Variants in SIDT1 observed in about 807,000 individuals in gnomAD.
SIDT1 encodes the protein SID1 transmembrane family, member 1.
A neutral mutation model predicts 107.5 loss-of-function variants in SIDT1; 101 were observed. That is an observed-to-expected ratio of 0.94 (90% CI 0.80 to 1.11). SIDT1 has a LOEUF of 1.11. Ranked by LOEUF, SIDT1 falls within the 50% of genes least tolerant of loss-of-function variation. SIDT1 has a pLI of 0.00. For missense variants in SIDT1, 1,076 were observed against 1,058.2 expected, an observed-to-expected ratio of 1.02 and a Z score of -0.23; for synonymous variants, 395 against 398.2, an observed-to-expected ratio of 0.99 and a Z score of 0.10.
Position 113,623,426 on chromosome 3 carries a change from G to A in SIDT1, c.2091-1G>A. 6.2e-7 allele frequency: 1 copy of A among 1,609,538 alleles called. No homozygotes were observed. Among genetic ancestry groups the A allele is most frequent in the Non-Finnish European group, 8.5e-7 (1 of 1,175,926 alleles). ...TGCCCACATTTCTCCCACGCCTGCA[G>A]CGCCCTCTTTGGATTGATATACCGC... On this transcript the variant is annotated splice_acceptor_variant, in intron 21 of 24. Transcript: ENST00000264852. LOFTEE classifies it high-confidence loss of function.
In SIDT1 at chr3:113,624,466, G is replaced by T. The variant is rs1384782766; in HGVS notation, c.2307+733G>T. ...ATTCATTGCTGAAAAATATTCCGTT[G>T]TACTGATATATCACATTTTATCTAC... On this transcript the variant is annotated intron_variant, in intron 23 of 24. Coordinates refer to ENST00000264852, the MANE Select transcript of SIDT1 (RefSeq NM_017699.3). Among the ~76,000 whole-genome samples the T allele has an allele frequency of 2.0e-5, 3 of 152,252 alleles. No homozygotes were observed. In the East Asian group the frequency reaches 5.8e-4, roughly 29 times the overall value.
chr3:113,595,988 A>G (rs2107622998), intron 10 of SIDT1, among the ~76,000 whole-genome samples: 1 of 152,354 alleles, frequency 6.6e-6, no homozygotes, highest in South Asian at 2.1e-4. Flanking sequence ...AGCTAGTGAC[A>G]GACATTCAGG....
At chr3:113,539,908 G>T (rs1938611915) in intron 1 of SIDT1, among the ~76,000 whole-genome samples, 1 of 151,908 alleles carries the variant, frequency 6.6e-6, no homozygotes, top group Admixed American at 6.6e-5. Context: ...GGAGGCTGAG[G>T]CAGGAGACTC....
At chr3:113,631,386 A>G (rs187576815), downstream of SIDT1, among the ~76,000 whole-genome samples, 21 of 152,350 alleles carry the variant, frequency 1.4e-4, no homozygotes, top group Admixed American at 9.1e-4. Flanking sequence ...ATGAACCACT[A>G]TGAATCTAAT....
At position 113,532,675 on chromosome 3, in the gene SIDT1, GGAGAA is replaced by G. The variant is rs1314990846; in HGVS notation, c.-342_-338del. 1 of 262,540 alleles carries G rather than the reference GGAGAA, an allele frequency of 3.8e-6. No homozygotes were observed. Among genetic ancestry groups the G allele is most frequent in the Non-Finnish European group, 7.1e-6 (1 of 139,938 alleles). 16.3% of individuals were successfully genotyped at this position (262,540 alleles called of 1,614,324 possible). ...TATTATTGCTGTTATTGAGGTTGAG[GGAGAA>G]GAGATCGGTCTAAATTCTGGCTGGG... On this transcript the variant is annotated 5_prime_UTR_variant, in exon 1 of 25. Coordinates refer to ENST00000264852, the MANE Select transcript of SIDT1 (RefSeq NM_017699.3).
At chr3:113,567,504 C>G (rs755588589) in intron 2 of SIDT1, 36 bp from the exon 3 acceptor site, 1 of 1,552,374 alleles carries the variant, frequency 6.4e-7, no homozygotes, top group Admixed American at 1.8e-5. Flanking sequence ...CTTTCTTGTC[C>G]TTGTTTATTT....
At chr3:113,616,650 C>A (rs537199553) in intron 20 of SIDT1, among the ~76,000 whole-genome samples, 14 of 152,086 alleles carry the variant, frequency 9.2e-5, no homozygotes, top group African/African-American at 2.9e-4. Flanking sequence ...GCCCATGTAA[C>A]CCTGAGCTTA....
chr3:113,627,616 C>T (rs1485312271), intron 24 of SIDT1, 30 bp from the exon 25 acceptor site: 3 of 1,608,106 alleles, frequency 1.9e-6, no homozygotes, highest in South Asian at 2.2e-5. Context: ...ACTGTCCATT[C>T]CTTTCATTTC....
intron 20 of SIDT1, among the ~76,000 whole-genome samples, chr3:113,616,752 G>T (rs370903250): frequency 1.3e-5 from 2 of 151,334 alleles, no homozygotes; most frequent in African/African-American, 4.9e-5. Context: ...GCAGTGGCGC[G>T]ATCTTGGCTC....
chr3:113,602,859 G>T, intron 11 of SIDT1, 146 bp from the exon 12 acceptor site: 1 of 740,444 alleles, frequency 1.4e-6, no homozygotes, highest in East Asian at 2.9e-5. Flanking sequence ...GGAATAGAGA[G>T]AAAGAACAGG....
intron 21 of SIDT1, 56 bp from the exon 22 acceptor site, chr3:113,623,370 GC>G: frequency 8.7e-7 from 1 of 1,144,990 alleles, no homozygotes; most frequent in Non-Finnish European, 1.3e-6. Flanking sequence ...GATTGGAAAA[GC>G]CAATAGTGTT....
chr3:113,538,037 C>T (rs550369601), intron 1 of SIDT1, among the ~76,000 whole-genome samples: 1 of 152,186 alleles, frequency 6.6e-6, no homozygotes, highest in South Asian at 2.1e-4. Flanking sequence ...CCCACCTCAG[C>T]CTCCCAAAGT....
intron 10 of SIDT1, among the ~76,000 whole-genome samples, chr3:113,597,520 A>AAC (rs1222170116): frequency 7.2e-6 from 1 of 138,882 alleles, no homozygotes; most frequent in African/African-American, 2.7e-5. Flanking sequence ...AAAAAAAAAA[A>AAC]TCATGCTAGC....
At chr3:113,614,921 G>C in intron 19 of SIDT1, 3 of 773,916 alleles carry the variant, frequency 3.9e-6, no homozygotes, top group Non-Finnish European at 2.1e-6. Flanking sequence ...TGACAAGTAA[G>C]CATTACTTTT....
At chr3:113,619,980 T>C (rs1946349057) in intron 21 of SIDT1, 2 of 357,004 alleles carry the variant, frequency 5.6e-6, no homozygotes, top group East Asian at 5.4e-5. Context: ...TGTGGATACA[T>C]TGGATAGAAA....
chr3:113,601,034 T>G (rs115605799), intron 10 of SIDT1, among the ~76,000 whole-genome samples: 105 of 152,314 alleles, frequency 6.9e-4, no homozygotes, highest in African/African-American at 2.5e-3. Context: ...CTGAGCCAGC[T>G]CTTGGCTAAA....
Position 113,593,038 on chromosome 3 carries a change from G to T in SIDT1, c.1035G>T (p.Gly345=), listed in dbSNP as rs765408617. The T allele has an allele frequency of 1.2e-6, 2 of 1,613,366 alleles. No homozygotes were observed. Among genetic ancestry groups the T allele is most frequent in the Non-Finnish European group, 1.7e-6 (2 of 1,179,272 alleles). Residue 345 remains glycine (G), a synonymous_variant, in exon 10 of 25, where the codon GGG becomes GGT. Coordinates refer to ENST00000264852, the MANE Select transcript of SIDT1 (RefSeq NM_017699.3). ...GAAAATCCATTGATGGAAGCTTTGGGTCCAATGATGGTAAGAGCAATGCTT... is the reference window on the plus strand; with the variant it reads ...GAAAATCCATTGATGGAAGCTTTGGTTCCAATGATGGTAAGAGCAATGCTT... The part of the protein sequence containing the change: ...FQRKSIDGSF[G]SNDGSGNMVA...
chr3:113,607,082 CT>C lies in SIDT1; in HGVS notation c.1448del (p.Phe483SerfsTer10). 1 of 1,613,378 alleles carries C rather than the reference CT, an allele frequency of 6.2e-7. No individual in the cohort carries two copies. Among genetic ancestry groups the C allele is most frequent in the Non-Finnish European group, 8.5e-7 (1 of 1,179,328 alleles). On this transcript the variant is annotated frameshift_variant, in exon 15 of 25. Coordinates refer to ENST00000264852, the MANE Select transcript of SIDT1 (RefSeq NM_017699.3). LOFTEE classifies it high-confidence loss of function. ...GCAACCAGGACATCTGTTACTACAACTTCCTCTGTGCTCACCCCTTGGGCGT... is the reference window on the plus strand; with the variant it reads ...GCAACCAGGACATCTGTTACTACAACTCCTCTGTGCTCACCCCTTGGGCGT... ...TGNQDICYYN[F>X]LCAHPLGVLS... is the part of the protein sequence containing the mutation.
At chr3:113,574,077 C>A (rs752731777) in intron 3 of SIDT1, among the ~76,000 whole-genome samples, 3 of 152,046 alleles carry the variant, frequency 2.0e-5, no homozygotes, top group Non-Finnish European at 4.4e-5. Flanking sequence ...AAAAGGGAGG[C>A]ATTTGGGTGG....
Sources: gnomAD v4.1 joint callset for allele counts (sites outside exome capture counted in the v4.1 genomes callset) on GRCh38, gnomAD v4.1.1 for gene constraint, MANE v1.5 for transcripts, NCBI Gene and HGNC (gene_info 2026-07-23, HGNC 2026-07-21) for gene names.